The following TRIM67 variants were observed in gnomAD, a reference collection of about 807,000 sequenced individuals.
The protein encoded by TRIM67 is tripartite motif-containing protein 67.
Under a neutral mutation model 71.0 loss-of-function variants are expected in TRIM67, and 39 were observed. The ratio of observed to expected loss-of-function variants is 0.55; its 90% CI spans 0.43 to 0.72. The LOEUF is 0.72. Among genes scored for constraint, TRIM67 ranks in the 30% least tolerant of loss-of-function variants. TRIM67 has a pLI of 0.00. For missense variants in TRIM67, 973 were observed against 1,079.2 expected (o/e 0.90, Z 1.38); for synonymous variants, 481 against 473.9 (o/e 1.01, Z -0.19).
At chr1:231,172,962 G>A (rs911913906) in intron 1 of TRIM67, among the ~76,000 whole-genome samples, 13 of 152,198 alleles carry the variant, frequency 8.5e-5, no homozygotes, top group Non-Finnish European at 2.9e-5. Flanking sequence ...TTACTATAAC[G>A]TAAATACTGA....
intron 1 of TRIM67, among the ~76,000 whole-genome samples, chr1:231,174,478 T>G (rs933898332): frequency 3.3e-5 from 5 of 152,288 alleles, no homozygotes; most frequent in Middle Eastern, 3.4e-3. Context: ...TTATTTTACT[T>G]TTAGTCTTTT....
chr1:231,195,966 C>T (rs868183924), intron 1 of TRIM67, among the ~76,000 whole-genome samples: 4 of 152,206 alleles, frequency 2.6e-5, no homozygotes, highest in South Asian at 2.1e-4. Context: ...CTGATTCATG[C>T]ATTCAACAAA....
At position 231,218,418 on chromosome 1, in the gene TRIM67, G is replaced by A; in HGVS notation, c.*2978G>A. ...CCATTGCATTGTAAATAGTGCCTCT[G>A]TAATGTGGTTCTGCAGTTGTTCTTT... On this transcript the variant is annotated 3_prime_UTR_variant, in exon 10 of 10. Coordinates refer to ENST00000366653, the MANE Select transcript of TRIM67 (RefSeq NM_001004342.5). 1.0e-6 allele frequency: 1 copy of A among 985,848 alleles called. No individual in the cohort carries two copies. The allele number at this position is 985,848 out of a possible 1,614,324, so 61.1% of individuals were successfully genotyped here. A position where few individuals can be genotyped will look rare whatever the true frequency, so the allele number is the denominator to read the frequency against.
chr1:231,170,964 G>A (rs1394453998), intron 1 of TRIM67, among the ~76,000 whole-genome samples: 1 of 152,204 alleles, frequency 6.6e-6, no homozygotes, highest in African/African-American at 2.4e-5. Context: ...CACTGAAAAT[G>A]CAGAATTTTT....
intron 1 of TRIM67, among the ~76,000 whole-genome samples, chr1:231,185,782 A>G (rs1683054276): frequency 6.6e-6 from 1 of 151,964 alleles, no homozygotes; most frequent in South Asian, 2.1e-4. Context: ...GACCTCAGAC[A>G]GATGATGGCG....
chr1:231,218,400 A>C lies in TRIM67; in HGVS notation c.*2960A>C. On this transcript the variant is annotated 3_prime_UTR_variant, in exon 10 of 10. Transcript: ENST00000366653. ...GTTTAAAAATGTCGAGTTCCATTGC[A>C]TTGTAAATAGTGCCTCTGTAATGTG... 1.0e-6 allele frequency: 1 copy of C among 986,278 alleles called. No homozygotes were observed. The highest frequency in any genetic ancestry group is 1.2e-6 in the Non-Finnish European group (1 of 830,502). 61.1% of individuals were successfully genotyped at this position (986,278 alleles called of 1,614,324 possible).
chr1:231,177,071 C>T (rs1682773991), intron 1 of TRIM67, among the ~76,000 whole-genome samples: 1 of 152,086 alleles, frequency 6.6e-6, no homozygotes, highest in Non-Finnish European at 1.5e-5. Context: ...TAAAAGAAGG[C>T]TGATTTTGGT....
chr1:231,187,869 G>A (rs1280312015), intron 1 of TRIM67, among the ~76,000 whole-genome samples: 1 of 152,204 alleles, frequency 6.6e-6, no homozygotes, highest in African/African-American at 2.4e-5. Flanking sequence ...AAGTAGCTCA[G>A]CACTCCAGAC....
intron 1 of TRIM67, among the ~76,000 whole-genome samples, chr1:231,167,471 C>G: frequency 7.9e-6 from 1 of 125,974 alleles, no homozygotes; most frequent in Non-Finnish European, 1.6e-5. Context: ...TACAGGCGCC[C>G]GCCACTACGC....
At chr1:231,194,193 G>T (rs896225283) in intron 1 of TRIM67, among the ~76,000 whole-genome samples, 3 of 152,210 alleles carry the variant, frequency 2.0e-5, no homozygotes, top group African/African-American at 4.8e-5. Flanking sequence ...GCCCCAGGGG[G>T]CCCATGCTTT....
rs1019144874 is a variant in TRIM67 at position 231,209,525 on chromosome 1, G to T, written c.2123+275G>T. On this transcript the variant is annotated intron_variant, in intron 8 of 9. Transcript: ENST00000366653. The surrounding 1 kb of genome is among the most constrained non-coding windows in gnomAD (Gnocchi z 4.1). Reference sequence around the variant, plus strand: ...GGGCCACACGGTGGTCCTCTGCTGGGATATGGAGCTCGTAGTTTTCTTTCT... The same window carrying T: ...GGGCCACACGGTGGTCCTCTGCTGGTATATGGAGCTCGTAGTTTTCTTTCT... Among the ~76,000 whole-genome samples, 4 of 152,196 alleles carry T rather than the reference G, an allele frequency of 2.6e-5. No individual in the cohort carries two copies. Among genetic ancestry groups the T allele is most frequent in the Non-Finnish European group, 5.9e-5 (4 of 68,030 alleles).
rs1684002843 is a variant in TRIM67 at position 231,215,870 on chromosome 1, G to T, written c.*430G>T. On this transcript the variant is annotated 3_prime_UTR_variant, in exon 10 of 10. Coordinates refer to ENST00000366653, the MANE Select transcript of TRIM67 (RefSeq NM_001004342.5). ...GCTGTAATCCCACGCCCCGGGTGTTGGCCCTCCGTGGGGACCTTGCCTCCT... is the reference window on the plus strand; with the variant it reads ...GCTGTAATCCCACGCCCCGGGTGTTTGCCCTCCGTGGGGACCTTGCCTCCT... 1 of 998,506 alleles carries T rather than the reference G, an allele frequency of 1.0e-6. No individual in the cohort carries two copies. The highest frequency in any genetic ancestry group is 1.1e-4 in the East Asian group (1 of 9,446). 61.9% of individuals were successfully genotyped at this position (998,506 alleles called of 1,614,324 possible). A position where few individuals can be genotyped will look rare whatever the true frequency, so the allele number is the denominator to read the frequency against.
intron 1 of TRIM67, among the ~76,000 whole-genome samples, chr1:231,192,039 T>C (rs1199677628): frequency 6.6e-6 from 1 of 152,120 alleles, no homozygotes; most frequent in Non-Finnish European, 1.5e-5. Flanking sequence ...CCAGGCAAGG[T>C]GGCTCAGGCC....
In TRIM67 at chr1:231,216,528, C is replaced by A. The variant is rs991617052; in HGVS notation, c.*1088C>A. On this transcript the variant is annotated 3_prime_UTR_variant, in exon 10 of 10. Coordinates refer to ENST00000366653, the MANE Select transcript of TRIM67 (RefSeq NM_001004342.5). Reference sequence around the variant, plus strand: ...TTAAAATGGGAGACCCTGGGAAAGCCTGTTCTAGTCAGTCCACCCTATTGT... The same window carrying A: ...TTAAAATGGGAGACCCTGGGAAAGCATGTTCTAGTCAGTCCACCCTATTGT... The A allele has an allele frequency of 1.1e-4, 104 of 985,378 alleles. No individual in the cohort carries two copies. The highest frequency in any genetic ancestry group is 1.2e-4 in the Non-Finnish European group (102 of 829,958). 61.0% of individuals were successfully genotyped at this position (985,378 alleles called of 1,614,324 possible).
chr1:231,196,813 G>A (rs1683379241), intron 1 of TRIM67, among the ~76,000 whole-genome samples: 1 of 152,170 alleles, frequency 6.6e-6, no homozygotes, highest in Non-Finnish European at 1.5e-5. Context: ...TACCAGGCTA[G>A]GAGCCTGTAT....
chr1:231,215,416 G>T lies in TRIM67; in HGVS notation c.2328G>T (p.Gly776=). 6.2e-7 allele frequency: 1 copy of T among 1,611,650 alleles called. No homozygotes were observed. The highest frequency in any genetic ancestry group is 8.5e-7 in the Non-Finnish European group (1 of 1,178,536). The stretch of plus-strand genomic sequence containing the variant: ...GATTGGAAGTGCCGACTAACCTGGG[G>T]CGGCCAAAGCTGTCAGGCAATTAGC... The part of the protein sequence containing the change: ...HTGLEVPTNL[G]RPKLSGN Residue 776 remains glycine (G), a synonymous_variant, in exon 10 of 10, where the codon GGG becomes GGT. Coordinates refer to ENST00000366653, the MANE Select transcript of TRIM67 (RefSeq NM_001004342.5).
chr1:231,199,598 A>G (rs1019110329), intron 3 of TRIM67, among the ~76,000 whole-genome samples: 1 of 151,704 alleles, frequency 6.6e-6, no homozygotes, highest in African/African-American at 2.4e-5. Flanking sequence ...GGAAGACGAG[A>G]CTCTCCCCTC....
intron 7 of TRIM67, among the ~76,000 whole-genome samples, chr1:231,207,172 G>A (rs1408441153): frequency 6.6e-6 from 1 of 152,198 alleles, no homozygotes; most frequent in Admixed American, 6.5e-5. Flanking sequence ...CATTGTGCTG[G>A]ACTAAATGTG....
intron 1 of TRIM67, among the ~76,000 whole-genome samples, chr1:231,191,632 GT>G (rs1683232635): frequency 6.6e-6 from 1 of 152,160 alleles, no homozygotes; most frequent in Admixed American, 6.5e-5. Flanking sequence ...AACCAGGTCA[GT>G]GGCGGCAGTT....
Sources: gnomAD v4.1 joint callset for allele counts (sites outside exome capture counted in the v4.1 genomes callset) on GRCh38, gnomAD v4.1.1 for gene constraint, Gnocchi (gnomAD v3.1) non-coding constraint, MANE v1.5 for transcripts, NCBI Gene and HGNC (gene_info 2026-07-23, HGNC 2026-07-21) for gene names.